Variants in PDZRN4 observed in about 807,000 individuals in gnomAD.
PDZRN4 encodes the protein PDZ domain-containing RING finger protein 4.
PDZRN4 carries 70 observed loss-of-function variants against 99.0 expected under a neutral mutation model. That is an observed-to-expected ratio of 0.71 (90% CI 0.58 to 0.86). The LOEUF is 0.86. Among genes scored for constraint, PDZRN4 ranks in the 40% least tolerant of loss-of-function variants. PDZRN4 has a pLI of 0.00. For synonymous variants in PDZRN4, 551 were observed against 501.6 expected (o/e 1.10, Z -1.32); for missense variants, 1,474 against 1,331.2 (o/e 1.11, Z -1.67).
At chr12:41,202,536 G>T (rs969872174) in intron 3 of PDZRN4, among the ~76,000 whole-genome samples, 4 of 152,004 alleles carry the variant, frequency 2.6e-5, no homozygotes, top group African/African-American at 9.7e-5. Flanking sequence ...AATTATTACA[G>T]CCACATCACA....
At position 41,573,662 on chromosome 12, in the gene PDZRN4, G is replaced by A; in HGVS notation, c.2883G>A (p.Glu961=). 6.2e-7 allele frequency: 1 copy of A among 1,614,070 alleles called. No homozygotes were observed. Among genetic ancestry groups the A allele is most frequent in the Non-Finnish European group, 8.5e-7 (1 of 1,180,018 alleles). Reference sequence around the variant, plus strand: ...CCAAAGAGCAGCGCCGTCGCCGTGAGTTCATGATGCGAAGCAGGTTAGAGT... The same window carrying A: ...CCAAAGAGCAGCGCCGTCGCCGTGAATTCATGATGCGAAGCAGGTTAGAGT... ...VRAKEQRRRR[E]FMMRSRLECL... The change falls in exon 10 of 10, where the codon GAG becomes GAA. Residue 961 remains glutamate (E), a synonymous_variant. Coordinates refer to ENST00000402685, the MANE Select transcript of PDZRN4 (RefSeq NM_001164595.2).
chr12:41,212,473 T>C (rs1482231540), intron 3 of PDZRN4, among the ~76,000 whole-genome samples: 1 of 152,032 alleles, frequency 6.6e-6, no homozygotes, highest in African/African-American at 2.4e-5. Context: ...GTGTTTTATA[T>C]AAGAATACTT....
chr12:41,567,604 C>CTTT (rs34848026), intron 8 of PDZRN4, among the ~76,000 whole-genome samples, 179 bp from the exon 9 acceptor site: 17,037 of 144,198 alleles, frequency 0.12, 1,121 homozygotes, highest in South Asian at 0.24. Flanking sequence ...CATAAGAGTC[C>CTTT]TTTTTTTTTT....
chr12:41,233,856 G>T (rs1455470267), intron 3 of PDZRN4, among the ~76,000 whole-genome samples: 1 of 151,764 alleles, frequency 6.6e-6, no homozygotes, highest in Non-Finnish European at 1.5e-5. Context: ...GAATTAATGG[G>T]TGCAGCACAC....
chr12:41,428,995 T>G (rs931993120), intron 3 of PDZRN4, among the ~76,000 whole-genome samples: 4 of 152,156 alleles, frequency 2.6e-5, no homozygotes, highest in African/African-American at 9.7e-5. Context: ...TTCTGTGATA[T>G]GGAGAACGTG....
rs556592100 is a variant in PDZRN4 at position 41,321,314 on chromosome 12, A to G, written c.843+127126A>G. ...GCACAGAAATGCCTTCACTGAGTTA[A>G]GATTTAGTGGTATATTCTCTGCTTC... On this transcript the variant is annotated intron_variant, in intron 3 of 9. Transcript: ENST00000402685. Among the ~76,000 whole-genome samples the G allele has an allele frequency of 3.9e-5, 6 of 152,262 alleles. 1 individual carries two copies. The highest frequency in any genetic ancestry group is 3.4e-3 in the Middle Eastern group (1 of 294).
chr12:41,474,619 T>C (rs1375196956), intron 3 of PDZRN4, among the ~76,000 whole-genome samples: 1 of 152,188 alleles, frequency 6.6e-6, no homozygotes, highest in African/African-American at 2.4e-5. Context: ...TCAGGGACAC[T>C]AAAGGTTTTG....
At chr12:41,308,743 A>G (rs946443604) in intron 3 of PDZRN4, among the ~76,000 whole-genome samples, 2 of 152,204 alleles carry the variant, frequency 1.3e-5, no homozygotes, top group African/African-American at 4.8e-5. Flanking sequence ...ATATTTGAAT[A>G]CTTAAGTGAC....
At chr12:41,501,525 A>G (rs1464237889) in intron 3 of PDZRN4, among the ~76,000 whole-genome samples, 1 of 152,146 alleles carries the variant, frequency 6.6e-6, no homozygotes, top group Admixed American at 6.6e-5. Context: ...TTACCATGAT[A>G]TGGTTTACAT....
chr12:41,566,922 C>A (rs1274282437), intron 8 of PDZRN4, among the ~76,000 whole-genome samples: 2 of 152,174 alleles, frequency 1.3e-5, no homozygotes, highest in Non-Finnish European at 2.9e-5. Flanking sequence ...GGCAAATTAT[C>A]TGTAGTAACT....
intron 3 of PDZRN4, among the ~76,000 whole-genome samples, chr12:41,254,165 T>C (rs988910235): frequency 3.3e-5 from 5 of 152,072 alleles, no homozygotes; most frequent in African/African-American, 1.2e-4. Context: ...AGTAAAACTA[T>C]TTCAAAGGAA....
intron 9 of PDZRN4, among the ~76,000 whole-genome samples, chr12:41,569,729 A>G (rs1470043373): frequency 6.6e-6 from 1 of 152,174 alleles, no homozygotes; most frequent in Admixed American, 6.6e-5. Flanking sequence ...TCCACATATT[A>G]AATAAATAAT....
chr12:41,325,313 T>C (rs1044230992), intron 3 of PDZRN4, among the ~76,000 whole-genome samples: 1 of 152,158 alleles, frequency 6.6e-6, no homozygotes, highest in Admixed American at 6.6e-5. Flanking sequence ...TTTGTACCAG[T>C]GTGTTTAGAT....
chr12:41,526,111 C>A (rs1938564004), intron 5 of PDZRN4, among the ~76,000 whole-genome samples: 1 of 152,176 alleles, frequency 6.6e-6, no homozygotes, highest in Non-Finnish European at 1.5e-5. Flanking sequence ...TTCTCCTTTG[C>A]CTCCATAATA....
chr12:41,472,846 A>G (rs1953006441), intron 3 of PDZRN4, among the ~76,000 whole-genome samples: 1 of 152,200 alleles, frequency 6.6e-6, no homozygotes, highest in South Asian at 2.1e-4. Context: ...CATATGTGAA[A>G]CTAAGAAATT....
intron 3 of PDZRN4, among the ~76,000 whole-genome samples, chr12:41,265,200 T>C (rs1256685139): frequency 3.3e-5 from 5 of 152,180 alleles, no homozygotes. Flanking sequence ...TCTACATGTA[T>C]AAGTGAAGAA....
chr12:41,334,086 C>A (rs746412822), intron 3 of PDZRN4, among the ~76,000 whole-genome samples: 1 of 152,028 alleles, frequency 6.6e-6, no homozygotes, highest in African/African-American at 2.4e-5. Context: ...TATTTATGCA[C>A]GCCTCTTGGG....
chr12:41,213,043 T>A (rs1352879784), intron 3 of PDZRN4, among the ~76,000 whole-genome samples: 1 of 152,034 alleles, frequency 6.6e-6, no homozygotes. Flanking sequence ...GCCTTGTTGA[T>A]CTGGCAAAAT....
chr12:41,189,404 C>G (rs1406589063), intron 1 of PDZRN4, among the ~76,000 whole-genome samples: 1 of 152,114 alleles, frequency 6.6e-6, no homozygotes, highest in Admixed American at 6.5e-5. Flanking sequence ...CTCTCGTTTT[C>G]CATCTTTCAC....
Sources: gnomAD v4.1 joint callset for allele counts (sites outside exome capture counted in the v4.1 genomes callset) on GRCh38, gnomAD v4.1.1 for gene constraint, MANE v1.5 for transcripts, NCBI Gene and HGNC (gene_info 2026-07-23, HGNC 2026-07-21) for gene names.